TMEM232: variants seen among roughly 807,000 people sequenced by gnomAD.
TMEM232 encodes transmembrane protein 232.
TMEM232 carries 80 observed loss-of-function variants against 78.8 expected under a neutral mutation model. That is an observed-to-expected ratio of 1.01 (90% CI 0.85 to 1.22). TMEM232 has a LOEUF of 1.22. Ranked by LOEUF, TMEM232 falls within the 50% of genes most tolerant of loss-of-function variation. The pLI is 0.00. For missense variants in TMEM232, 881 were observed against 742.2 expected (o/e 1.19, Z -2.17); for synonymous variants, 297 against 254.3 (o/e 1.17, Z -1.60).
At chr5:110,398,688 C>T (rs1375019168) in intron 2 of TMEM232, among the ~76,000 whole-genome samples, 5 of 152,132 alleles carry the variant, frequency 3.3e-5, no homozygotes, top group Non-Finnish European at 1.5e-5. Flanking sequence ...TCTCTAGCCA[C>T]ATGGCTGCAT....
chr5:110,696,736 T>C (rs1242280499), intron 1 of TMEM232, among the ~76,000 whole-genome samples: 1 of 152,038 alleles, frequency 6.6e-6, no homozygotes, highest in Non-Finnish European at 1.5e-5. Flanking sequence ...GGAATCCAAC[T>C]TATAAGGGAT....
At chr5:110,491,071 T>C (rs1459578175) in intron 12 of TMEM232, among the ~76,000 whole-genome samples, 1 of 152,088 alleles carries the variant, frequency 6.6e-6, no homozygotes, top group Non-Finnish European at 1.5e-5. Flanking sequence ...TTGCAAATCA[T>C]ATATCTGATA....
At chr5:110,522,662 G>A (rs1321959271) in intron 12 of TMEM232, among the ~76,000 whole-genome samples, 5 of 152,074 alleles carry the variant, frequency 3.3e-5, no homozygotes, top group African/African-American at 1.2e-4. Context: ...AGCACCTGTT[G>A]AGATTATTAC....
At chr5:110,643,094 C>T (rs918765046) in intron 2 of TMEM232, among the ~76,000 whole-genome samples, 1 of 151,982 alleles carries the variant, frequency 6.6e-6, no homozygotes, top group Non-Finnish European at 1.5e-5. Context: ...TTGACTTCGG[C>T]TCCAACCAGA....
At chr5:110,523,392 T>A (rs1214453102) in intron 12 of TMEM232, among the ~76,000 whole-genome samples, 1 of 152,184 alleles carries the variant, frequency 6.6e-6, no homozygotes, top group Non-Finnish European at 1.5e-5. Flanking sequence ...ATTTCTGCTC[T>A]AATCTTGTTA....
At chr5:110,614,249 G>C (rs373839497) in intron 8 of TMEM232, among the ~76,000 whole-genome samples, 1 of 152,046 alleles carries the variant, frequency 6.6e-6, no homozygotes, top group Non-Finnish European at 1.5e-5. Context: ...TCAGTGACAG[G>C]CTGTCTCAAA....
intron 6 of TMEM232, among the ~76,000 whole-genome samples, chr5:110,626,094 C>A (rs562827294): frequency 6.6e-6 from 1 of 151,986 alleles, no homozygotes; most frequent in South Asian, 2.1e-4. Context: ...AGAAAACAGC[C>A]TATTGTTAAA....
At chr5:110,520,400 A>G (rs1285394043) in intron 12 of TMEM232, among the ~76,000 whole-genome samples, 1 of 152,136 alleles carries the variant, frequency 6.6e-6, no homozygotes, top group Non-Finnish European at 1.5e-5. Context: ...ACAGAAAAAA[A>G]AGAAAACTTC....
intron 2 of TMEM232, among the ~76,000 whole-genome samples, chr5:110,654,434 A>G (rs1407874359): frequency 1.3e-5 from 2 of 152,076 alleles, no homozygotes; most frequent in Non-Finnish European, 2.9e-5. Flanking sequence ...TGTTTTTCTC[A>G]GGTTTGTCAA....
At chr5:110,458,618 C>G (rs1229451155) in intron 12 of TMEM232, among the ~76,000 whole-genome samples, 1 of 152,188 alleles carries the variant, frequency 6.6e-6, no homozygotes, top group Non-Finnish European at 1.5e-5. Flanking sequence ...CAACTAATCT[C>G]ATGGAAGTCT....
Position 110,424,813 on chromosome 5 carries a change from T to C in TMEM232, c.1797+10A>G. 6.5e-7 allele frequency: 1 copy of C among 1,535,806 alleles called. No individual in the cohort carries two copies. Among genetic ancestry groups the C allele is most frequent in the Non-Finnish European group, 8.8e-7 (1 of 1,138,172 alleles). ...GCTTTTGCTGCTAGTTAAAAAAAAA[T>C]CAATCTTACGTGATGGTCAATGATT... On this transcript the variant is annotated intron_variant, in intron 13 of 13. Transcript: ENST00000455884.
chr5:110,509,994 C>T (rs988818873), intron 12 of TMEM232, among the ~76,000 whole-genome samples: 2 of 152,026 alleles, frequency 1.3e-5, no homozygotes, highest in Admixed American at 1.3e-4. Flanking sequence ...TCTGGCTGTT[C>T]CTAAGGCTTG....
chr5:110,583,248 A>G (rs1488991617), intron 10 of TMEM232, among the ~76,000 whole-genome samples: 1 of 152,052 alleles, frequency 6.6e-6, no homozygotes, highest in Non-Finnish European at 1.5e-5. Context: ...ATTTCAAAGT[A>G]TACTTCAAGG....
At chr5:110,512,547 G>A (rs1428287949) in intron 12 of TMEM232, among the ~76,000 whole-genome samples, 2 of 152,174 alleles carry the variant, frequency 1.3e-5, no homozygotes, top group African/African-American at 2.4e-5. Context: ...CATAGCAAGA[G>A]ACCACTATAA....
chr5:110,704,322 ACATTTCT>A (rs1336239674), intron 1 of TMEM232, among the ~76,000 whole-genome samples: 1 of 152,048 alleles, frequency 6.6e-6, no homozygotes, highest in African/African-American at 2.4e-5. Flanking sequence ...TCCTGGTGTT[ACATTTCT>A]CATTTAAAGA....
intron 11 of TMEM232, among the ~76,000 whole-genome samples, chr5:110,533,655 AATTACCATTGTTCCT>A (rs1771888384): frequency 6.6e-6 from 1 of 152,074 alleles, no homozygotes; most frequent in Admixed American, 6.5e-5. Flanking sequence ...AGTCTCCCAC[AATTACCATTGTTCCT>A]GGCCCGGACT....
At chr5:110,424,745 T>C (rs1757056526) in intron 13 of TMEM232, 78 bp downstream of exon 13, 3 of 1,167,590 alleles carry the variant, frequency 2.6e-6, no homozygotes, top group Non-Finnish European at 3.6e-6. Flanking sequence ...GGTTTCAGTC[T>C]CAGAACTACA....
chr5:110,643,143 A>G (rs1350763323), intron 2 of TMEM232, among the ~76,000 whole-genome samples: 1 of 152,078 alleles, frequency 6.6e-6, no homozygotes, highest in East Asian at 1.9e-4. Context: ...AGAGAAAGAA[A>G]GAAGTCGTGA....
At chr5:110,593,429 G>T (rs1015847985) in intron 10 of TMEM232, among the ~76,000 whole-genome samples, 9 of 152,164 alleles carry the variant, frequency 5.9e-5, no homozygotes, top group African/African-American at 1.9e-4. Context: ...ATAAAATTAT[G>T]AACTTCCTGG....
Sources: gnomAD v4.1 joint callset for allele counts (sites outside exome capture counted in the v4.1 genomes callset) on GRCh38, gnomAD v4.1.1 for gene constraint, MANE v1.5 for transcripts, NCBI Gene and HGNC (gene_info 2026-07-23, HGNC 2026-07-21) for gene names.